SAMD14: variants seen among roughly 807,000 people sequenced by gnomAD.
The protein encoded by SAMD14 is sterile alpha motif domain-containing protein 14.
A neutral mutation model predicts 46.2 loss-of-function variants in SAMD14; 27 were observed. The ratio of observed to expected loss-of-function variants is 0.58; its 90% CI spans 0.43 to 0.81. The LOEUF (loss-of-function observed/expected upper bound fraction) is 0.81, where lower values mean the gene tolerates loss of function less well. Ranked by LOEUF, SAMD14 falls within the 30% of genes least tolerant of loss-of-function variation. SAMD14 has a pLI of 0.00. For synonymous variants in SAMD14, 241 were observed against 254.3 expected (o/e 0.95, Z 0.50); for missense variants, 559 against 582.2 (o/e 0.96, Z 0.41).
In SAMD14 at chr17:50,117,621, C is replaced by A. The variant is rs1190083568; in HGVS notation, c.285G>T (p.Gly95=). 9 of 1,557,706 alleles carry A rather than the reference C, an allele frequency of 5.8e-6. No homozygotes were observed. The East Asian group carries it at 2.2e-4, about 38-fold the overall frequency. The change falls in exon 4 of 10, where the codon GGG becomes GGT. Residue 95 remains glycine (G), a synonymous_variant. Coordinates refer to ENST00000330175, the MANE Select transcript of SAMD14 (RefSeq NM_001257359.2). ...CCGGAGGATCCAGGCAGAAAGAGCC[C>A]CCGGCCGGGGACCCCGGGCCTGAGT... is the stretch of plus-strand genomic sequence containing the variant. The part of the protein sequence containing the change: ...PLHSGPGSPA[G]GSFCLDPPGL...
Position 50,116,051 on chromosome 17 carries a change from G to A in SAMD14, c.539C>T (p.Pro180Leu). 1 of 1,614,042 alleles carries A rather than the reference G, an allele frequency of 6.2e-7. No individual in the cohort carries two copies. The highest frequency in any genetic ancestry group is 8.5e-7 in the Non-Finnish European group (1 of 1,179,924). ...RDASPPEPAS[P>L]TIGLDKKTRR... ...AGTCTTCTTATCGAGGCCGATGGTGGGGCTGGCGGGCTCAGGAGGACTGGC... is the reference window on the plus strand; with the variant it reads ...AGTCTTCTTATCGAGGCCGATGGTGAGGCTGGCGGGCTCAGGAGGACTGGC... Residue 180 changes from proline (P) to leucine (L), a missense_variant, in exon 5 of 10, where the codon CCC becomes CTC. Coordinates refer to ENST00000330175, the MANE Select transcript of SAMD14 (RefSeq NM_001257359.2).
intron 9 of SAMD14, 67 bp from the exon 10 acceptor site, chr17:50,113,115 G>C: frequency 2.5e-6 from 4 of 1,571,188 alleles, no homozygotes; most frequent in Non-Finnish European, 2.6e-6. Context: ...CCCACGCCCA[G>C]GCTCCTTTTG....
In SAMD14 at chr17:50,110,609, C is replaced by T. The variant is rs1189240483; in HGVS notation, c.*2284G>A. ...TTACACCCGTGAGTGGGGAATGAGG[C>T]TGGTCCTGCAGCCTCTCCCTCCGCT... On this transcript the variant is annotated 3_prime_UTR_variant, in exon 10 of 10. Transcript: ENST00000330175. 6.6e-6 allele frequency: 1 copy of T among 152,338 alleles called. No individual in the cohort carries two copies. The highest frequency in any genetic ancestry group is 1.5e-5 in the Non-Finnish European group (1 of 68,126). 9.4% of individuals were successfully genotyped at this position (152,338 alleles called of 1,614,324 possible). A position where few individuals can be genotyped will look rare whatever the true frequency, so the allele number is the denominator to read the frequency against.
intron 2 of SAMD14, among the ~76,000 whole-genome samples, 187 bp downstream of exon 2, chr17:50,124,730 A>G (rs574060776): frequency 7.9e-5 from 12 of 150,954 alleles, no homozygotes; most frequent in Non-Finnish European, 1.5e-4. Context: ...AGTGGTGACA[A>G]AGGGTCAGGC....
At position 50,115,846 on chromosome 17, in the gene SAMD14, G is replaced by T; in HGVS notation, c.646C>A (p.Leu216Met). The T allele has an allele frequency of 6.2e-7, 1 of 1,613,032 alleles. No homozygotes were observed. Among genetic ancestry groups the T allele is most frequent in the Non-Finnish European group, 8.5e-7 (1 of 1,179,906 alleles). The change falls in exon 6 of 10, where the codon CTG becomes ATG. Residue 216 changes from leucine (L) to methionine (M), a missense_variant. By Grantham distance (15) the Leu-to-Met change is conservative. Transcript: ENST00000330175. The surrounding 1 kb of genome is among the most constrained non-coding windows in gnomAD (Gnocchi z 5.3). ...KSRKEKGSNRLSMGSRESVEG... is the reference protein window; with the variant it reads ...KSRKEKGSNRMSMGSRESVEG... ...ACCTCTCACCTGCTGCCCATGGACA[G>T]TCGGTTGCTGCCTTTCTCCTTCCGG...
intron 1 of SAMD14, among the ~76,000 whole-genome samples, chr17:50,126,105 A>G (rs1911757323): frequency 6.6e-6 from 1 of 152,074 alleles, no homozygotes; most frequent in Non-Finnish European, 1.5e-5. Context: ...GTTTAAGGCA[A>G]GGGGACGCTG....
In SAMD14 at chr17:50,124,761, A is replaced by ACGCGCACG. The variant is rs1555563082; in HGVS notation, c.43+155_43+156insCGTGCGCG. Reference sequence around the variant, plus strand: ...CAGGCCACAATACCTGCACGCGTGCACGCGCGCGCGCACACACACACACAC... The same window carrying ACGCGCACG: ...CAGGCCACAATACCTGCACGCGTGCACGCGCACGCGCGCGCGCGCACACACACACACAC... On this transcript the variant is annotated intron_variant, in intron 2 of 9. Transcript: ENST00000330175. 1.6e-3 allele frequency among the ~76,000 whole-genome samples: 176 copies of ACGCGCACG among 108,126 alleles called. 2 individuals are homozygous for ACGCGCACG. Among genetic ancestry groups the ACGCGCACG allele is most frequent in the East Asian group, 6.5e-3 (26 of 4,002 alleles). The allele number at this position is 108,126 out of a possible 152,430, so 70.9% of individuals were successfully genotyped here.
At chr17:50,124,173 G>C in intron 2 of SAMD14, 1 of 456,240 alleles carries the variant, frequency 2.2e-6, no homozygotes. Context: ...TTCCGCCCCA[G>C]TGCATGCTGG....
intron 2 of SAMD14, chr17:50,123,462 C>G (rs988627453): frequency 6.6e-6 from 1 of 152,378 alleles, no homozygotes; most frequent in Non-Finnish European, 1.5e-5. Context: ...CCAGCCAACT[C>G]AAAACAGGGA....
At chr17:50,124,058 C>A (rs866630820) in intron 2 of SAMD14, 2 of 455,954 alleles carry the variant, frequency 4.4e-6, no homozygotes, top group Non-Finnish European at 8.8e-6. Flanking sequence ...GGCATAGGAG[C>A]CCCTCGAGGA....
intron 3 of SAMD14, 78 bp downstream of exon 3, chr17:50,118,083 C>G (rs1171111072): frequency 6.8e-7 from 1 of 1,463,454 alleles, no homozygotes; most frequent in African/African-American, 1.4e-5. Flanking sequence ...TGGAAGAGCA[C>G]TCTGGAGAGA....
chr17:50,117,351 A>G (rs540821992), intron 4 of SAMD14, 56 bp downstream of exon 4: 540 of 1,260,382 alleles, frequency 4.3e-4, no homozygotes, highest in Non-Finnish European at 4.9e-4. Context: ...CGGGACCGGG[A>G]GGGCTGCTGC....
intron 9 of SAMD14, 157 bp downstream of exon 9, chr17:50,113,767 C>T (rs573408371): frequency 8.0e-6 from 6 of 753,320 alleles, no homozygotes; most frequent in Middle Eastern, 7.2e-4. Context: ...AAGGACCTTG[C>T]CTAGAGGTCA....
At position 50,116,195 on chromosome 17, in the gene SAMD14, T is replaced by C. The variant is rs994417722; in HGVS notation, c.500-105A>G. The C allele has an allele frequency of 2.0e-6, 3 of 1,473,980 alleles. No homozygotes were observed. The African/African-American group carries it at 4.2e-5, about 21-fold the overall frequency. 91.3% of individuals were successfully genotyped at this position (1,473,980 alleles called of 1,614,324 possible). On this transcript the variant is annotated intron_variant, in intron 4 of 9. Transcript: ENST00000330175. ...AATTCTCTTGACTTAGAATCAGGCATCCTGGCTCTGGTGGCCTTCACTAGC... is the reference window on the plus strand; with the variant it reads ...AATTCTCTTGACTTAGAATCAGGCACCCTGGCTCTGGTGGCCTTCACTAGC...
At chr17:50,122,228 A>G (rs1011773275) in intron 2 of SAMD14, among the ~76,000 whole-genome samples, 2 of 152,188 alleles carry the variant, frequency 1.3e-5, no homozygotes, top group Non-Finnish European at 2.9e-5. Context: ...ATGGTCGCCA[A>G]TGACTGTCTC....
At chr17:50,113,770 A>G (rs1911007755) in intron 9 of SAMD14, 154 bp downstream of exon 9, 1 of 765,990 alleles carries the variant, frequency 1.3e-6, no homozygotes, top group Admixed American at 2.8e-5. Context: ...GACCTTGCCT[A>G]GAGGTCAGAG....
At chr17:50,114,363 T>C (rs1302845548) in intron 7 of SAMD14, 57 bp from the exon 8 acceptor site, 1 of 1,613,954 alleles carries the variant, frequency 6.2e-7, no homozygotes, top group South Asian at 1.1e-5. Flanking sequence ...CCACCATCCC[T>C]ATCTGGGTGG....
At chr17:50,121,556 G>A (rs1230242817) in intron 2 of SAMD14, among the ~76,000 whole-genome samples, 1 of 152,188 alleles carries the variant, frequency 6.6e-6, no homozygotes, top group Non-Finnish European at 1.5e-5. Context: ...GGCCTCAAGT[G>A]ATCTGCCCGC....
chr17:50,110,287 C>T lies in SAMD14; in HGVS notation c.*2606G>A, dbSNP rs78332968. On this transcript the variant is annotated 3_prime_UTR_variant, in exon 10 of 10. Transcript: ENST00000330175. Reference sequence around the variant, plus strand: ...AAGTGCCAGTCCATCTCTGTGGAGACCCCTCGGTGGCCTCCCTATCTCTGT... The same window carrying T: ...AAGTGCCAGTCCATCTCTGTGGAGATCCCTCGGTGGCCTCCCTATCTCTGT... 9.1e-3 allele frequency: 4,679 copies of T among 513,202 alleles called. 157 individuals are homozygous for T. The highest frequency in any genetic ancestry group is 0.071 in the African/African-American group (3,600 of 51,002). 31.8% of individuals were successfully genotyped at this position (513,202 alleles called of 1,614,324 possible).
Sources: allele counts gnomAD v4.1 joint callset (sites outside exome capture counted in the v4.1 genomes callset), GRCh38; gene constraint gnomAD v4.1.1; non-coding constraint Gnocchi (gnomAD v3.1); transcripts MANE v1.5; gene names NCBI Gene and HGNC (gene_info 2026-07-23, HGNC 2026-07-21).